PTPRN2: variants seen among roughly 807,000 people sequenced by gnomAD.
The protein encoded by PTPRN2 is receptor-type tyrosine-protein phosphatase N2.
Under a neutral mutation model 118.8 loss-of-function variants are expected in PTPRN2, and 74 were observed. That is an observed-to-expected ratio of 0.62 (90% CI 0.52 to 0.76). The LOEUF (loss-of-function observed/expected upper bound fraction) is 0.76. Among genes scored for constraint, PTPRN2 ranks in the 30% least tolerant of loss-of-function variants. The pLI is 0.00. For synonymous variants in PTPRN2, 641 were observed against 608.0 expected, an observed-to-expected ratio of 1.05 and a Z score of -0.80; for missense variants, 1,481 against 1,394.4, an observed-to-expected ratio of 1.06 and a Z score of -0.99.
chr7:158,362,967 G>C (rs1173058477), intron 2 of PTPRN2, among the ~76,000 whole-genome samples: 1 of 152,164 alleles, frequency 6.6e-6, no homozygotes, highest in Admixed American at 6.6e-5. Flanking sequence ...AGACACAATC[G>C]CAATTCAGGC....
intron 12 of PTPRN2, among the ~76,000 whole-genome samples, chr7:157,790,020 ATG>A (rs1491124509): frequency 7.6e-4 from 78 of 102,348 alleles, no homozygotes; most frequent in Non-Finnish European, 9.4e-4. Context: ...TGTGGTGTGA[ATG>A]TGTGTGTGGT....
At chr7:158,495,278 G>A (rs1482178927) in intron 1 of PTPRN2, among the ~76,000 whole-genome samples, 5 of 152,142 alleles carry the variant, frequency 3.3e-5, no homozygotes, top group Non-Finnish European at 5.9e-5. Flanking sequence ...TCCTAGGAAC[G>A]AACGCATCAT....
intron 17 of PTPRN2, among the ~76,000 whole-genome samples, chr7:157,594,024 A>T (rs937367607): frequency 2.6e-5 from 4 of 152,206 alleles, no homozygotes; most frequent in Admixed American, 2.6e-4. Context: ...GCGTCATCCG[A>T]GCTGTCCTGG....
At chr7:158,236,728 G>A (rs1350853545) in intron 3 of PTPRN2, among the ~76,000 whole-genome samples, 1 of 152,200 alleles carries the variant, frequency 6.6e-6, no homozygotes, top group Non-Finnish European at 1.5e-5. Flanking sequence ...TTACCTGGTG[G>A]AACCCGTCCC....
intron 6 of PTPRN2, among the ~76,000 whole-genome samples, chr7:158,146,105 C>T (rs1466462873): frequency 1.3e-5 from 2 of 152,086 alleles, no homozygotes; most frequent in Non-Finnish European, 2.9e-5. Flanking sequence ...CTTGGTTCTC[C>T]ATGAGAAGCT....
intron 13 of PTPRN2, 107 bp from the exon 14 acceptor site, chr7:157,656,658 C>G: frequency 8.5e-7 from 1 of 1,180,250 alleles, no homozygotes; most frequent in Non-Finnish European, 1.2e-6. Flanking sequence ...TGCTAAGATC[C>G]AAGGTTCAGG....
chr7:158,311,293 T>G (rs1801708376), intron 3 of PTPRN2, among the ~76,000 whole-genome samples: 1 of 152,242 alleles, frequency 6.6e-6, no homozygotes, highest in South Asian at 2.1e-4. Flanking sequence ...CACTGTTTTA[T>G]GTACATATTT....
intron 13 of PTPRN2, among the ~76,000 whole-genome samples, chr7:157,657,617 C>T: frequency 1.0e-5 from 1 of 99,472 alleles, no homozygotes; most frequent in East Asian, 3.9e-4. Flanking sequence ...ACACATCACA[C>T]ATATACACAC....
chr7:157,822,423 C>T (rs1806903529), intron 12 of PTPRN2, among the ~76,000 whole-genome samples: 1 of 152,076 alleles, frequency 6.6e-6, no homozygotes, highest in Admixed American at 6.5e-5. Context: ...TCCATCCACT[C>T]ATCTATCCAT....
intron 13 of PTPRN2, among the ~76,000 whole-genome samples, chr7:157,656,921 C>T (rs10264113): frequency 0.83 from 105,243 of 127,364 alleles, 43,547 homozygotes; most frequent in Admixed American, 0.88. Flanking sequence ...TACACACACA[C>T]ACGCCACACA....
In PTPRN2 at chr7:158,205,220, C is replaced by G; in HGVS notation, c.331G>C (p.Asp111His). The G allele has an allele frequency of 6.2e-7, 1 of 1,614,176 alleles. No homozygotes were observed. Among genetic ancestry groups the G allele is most frequent in the Non-Finnish European group, 8.5e-7 (1 of 1,180,036 alleles). The change falls in exon 4 of 23, where the codon GAC (aspartate) becomes CAC (histidine). Residue 111 changes from aspartate (D) to histidine (H), a missense_variant. Coordinates refer to ENST00000389418, the MANE Select transcript of PTPRN2 (RefSeq NM_002847.5). ...CGCCTCAGGTAGGTTTTCGGGAGGT[C>G]TGCAAGTTCCTGGTCCATCACATAC... ...TQYVMDQELA[D>H]LPKTYLRRPE...
intron 12 of PTPRN2, among the ~76,000 whole-genome samples, chr7:157,722,640 G>A (rs548688195): frequency 6.6e-5 from 10 of 152,170 alleles, no homozygotes; most frequent in South Asian, 2.1e-4. Context: ...TCCATTCCTC[G>A]GCAGGGCACT....
chr7:158,151,704 A>G (rs1016064719), intron 6 of PTPRN2, among the ~76,000 whole-genome samples: 7 of 150,480 alleles, frequency 4.7e-5, no homozygotes, highest in African/African-American at 1.7e-4. Context: ...CTTCTCCCCA[A>G]TCTTCCTCCC....
Position 157,785,351 on chromosome 7 carries a change from T to G in PTPRN2, c.1789-102414A>C, listed in dbSNP as rs560017646. ...CGGGTCCCCCCAACCCCAAAGCCAC[T>G]GAGTGAAAACAGACCACGGTGCTCC... On this transcript the variant is annotated intron_variant, in intron 12 of 22. Coordinates refer to ENST00000389418, the MANE Select transcript of PTPRN2 (RefSeq NM_002847.5). The surrounding 1 kb of genome is among the most constrained non-coding windows in gnomAD (Gnocchi z 7.3). Among the ~76,000 whole-genome samples, 13 of 152,256 alleles carry G rather than the reference T, an allele frequency of 8.5e-5. No individual in the cohort carries two copies. Among genetic ancestry groups the G allele is most frequent in the Non-Finnish European group, 1.5e-4 (10 of 68,002 alleles).
intron 8 of PTPRN2, among the ~76,000 whole-genome samples, chr7:158,136,279 TG>T (rs1204235905): frequency 1.3e-5 from 2 of 152,178 alleles, no homozygotes; most frequent in African/African-American, 4.8e-5. Context: ...CAGCCAGGTG[TG>T]AGTGAGCTGA....
At chr7:158,141,434 C>T (rs928645513) in intron 6 of PTPRN2, among the ~76,000 whole-genome samples, 1 of 152,214 alleles carries the variant, frequency 6.6e-6, no homozygotes, top group African/African-American at 2.4e-5. Context: ...TCCCCACGTG[C>T]CCCGTTCACT....
At chr7:157,597,253 GTTT>G (rs1263131023) in intron 16 of PTPRN2, among the ~76,000 whole-genome samples, 40 of 152,290 alleles carry the variant, frequency 2.6e-4, no homozygotes, top group African/African-American at 9.4e-4. Context: ...ACTGGACCTC[GTTT>G]TGAAATTCGC....
At chr7:158,016,180 G>A (rs956883054) in intron 11 of PTPRN2, among the ~76,000 whole-genome samples, 1 of 152,216 alleles carries the variant, frequency 6.6e-6, no homozygotes, top group South Asian at 2.1e-4. Context: ...TGATGATTCC[G>A]AGTCTCTCAT....
intron 6 of PTPRN2, among the ~76,000 whole-genome samples, chr7:158,140,363 T>C (rs1432062968): frequency 1.3e-5 from 2 of 152,240 alleles, no homozygotes; most frequent in Admixed American, 6.5e-5. Context: ...CGTAAGTATT[T>C]ACCCGAGAGA....
Sources: gnomAD v4.1 joint callset for allele counts (sites outside exome capture counted in the v4.1 genomes callset) on GRCh38, gnomAD v4.1.1 for gene constraint, Gnocchi (gnomAD v3.1) non-coding constraint, MANE v1.5 for transcripts, NCBI Gene and HGNC (gene_info 2026-07-23, HGNC 2026-07-21) for gene names.